The following EDNRB variants were observed in gnomAD, a reference collection of about 807,000 sequenced individuals.
The protein encoded by EDNRB is Hirschsprung disease 2.
In EDNRB, 18 loss-of-function variants were observed where a neutral mutation model predicts 46.4. The ratio of observed to expected loss-of-function variants is 0.39; its 90% CI spans 0.27 to 0.57. The LOEUF is 0.57. Ranked by LOEUF, EDNRB falls within the 20% of genes least tolerant of loss-of-function variation. The pLI is 0.61. For missense variants in EDNRB, 434 were observed against 537.5 expected, an observed-to-expected ratio of 0.81 and a Z score of 1.90; for synonymous variants, 213 against 204.9, an observed-to-expected ratio of 1.04 and a Z score of -0.34.
At chr13:77,967,384 CTTCT>C (rs1427314393) in intron 1 of EDNRB, among the ~76,000 whole-genome samples, 2 of 152,130 alleles carry the variant, frequency 1.3e-5, no homozygotes, top group East Asian at 3.9e-4. Context: ...CACCATCATC[CTTCT>C]TTCTTTAAAC....
upstream of EDNRB, chr13:77,919,446 C>A (rs770338430): frequency 6.3e-5 from 101 of 1,612,632 alleles, no homozygotes; most frequent in South Asian, 1.1e-3. Context: ...AGACCACCTT[C>A]CCGGGAGGCG....
chr13:77,910,686 A>G (rs974199533), intron 1 of EDNRB, among the ~76,000 whole-genome samples: 14 of 152,012 alleles, frequency 9.2e-5, no homozygotes, highest in African/African-American at 3.4e-4. Flanking sequence ...GGTCAGAAAT[A>G]ATGTTAGCTT....
intron 1 of EDNRB, among the ~76,000 whole-genome samples, chr13:77,910,124 G>T (rs771792753): frequency 2.6e-5 from 4 of 151,976 alleles, no homozygotes; most frequent in Admixed American, 2.6e-4. Flanking sequence ...GTTAAGTTTC[G>T]TGGAAGTAGA....
intron 1 of EDNRB, among the ~76,000 whole-genome samples, chr13:77,906,685 C>T (rs1301930243): frequency 2.6e-5 from 4 of 152,020 alleles, no homozygotes; most frequent in African/African-American, 7.2e-5. Context: ...TTTAGACAAA[C>T]GTTTGGACAA....
At chr13:77,919,297 A>G, upstream of EDNRB, 2 of 1,301,552 alleles carry the variant, frequency 1.5e-6, no homozygotes, top group Non-Finnish European at 2.1e-6. Context: ...TATAGGCTTA[A>G]TTTTTATTTT....
At chr13:77,909,220 A>G (rs1879447735) in intron 1 of EDNRB, among the ~76,000 whole-genome samples, 1 of 152,076 alleles carries the variant, frequency 6.6e-6, no homozygotes, top group Non-Finnish European at 1.5e-5. Context: ...CTTGAGAAAG[A>G]AACAAGGCAA....
intron 6 of EDNRB, 26 bp from the exon 7 acceptor site, chr13:77,898,360 T>C (rs1216398910): frequency 5.0e-6 from 8 of 1,610,714 alleles, no homozygotes; most frequent in South Asian, 3.3e-5. Flanking sequence ...TAACTCATTA[T>C]ATGTTAACAT....
chr13:77,897,719 T>C lies in EDNRB; in HGVS notation c.*481A>G. ...GCATCTAATTACAATCTGATAATAG[T>C]GTGATAATATTAATTGAAAAGTTGT... is the stretch of plus-strand genomic sequence containing the variant. On this transcript the variant is annotated 3_prime_UTR_variant, in exon 7 of 7. Coordinates refer to ENST00000646607, the MANE Select transcript of EDNRB (RefSeq NM_001122659.3). 1 of 986,432 alleles carries C rather than the reference T, an allele frequency of 1.0e-6. No homozygotes were observed. Among genetic ancestry groups the C allele is most frequent in the Non-Finnish European group, 1.2e-6 (1 of 829,306 alleles). 61.1% of individuals were successfully genotyped at this position (986,432 alleles called of 1,614,324 possible). A position where few individuals can be genotyped will look rare whatever the true frequency, so the allele number is the denominator to read the frequency against.
At chr13:77,938,165 G>T (rs530728919) in intron 1 of EDNRB, among the ~76,000 whole-genome samples, 1 of 152,178 alleles carries the variant, frequency 6.6e-6, no homozygotes, top group East Asian at 1.9e-4. Context: ...AGGGTGGAAG[G>T]TTGCCCATAG....
chr13:77,952,894 G>C (rs1168091474), intron 1 of EDNRB, among the ~76,000 whole-genome samples: 20 of 152,114 alleles, frequency 1.3e-4, no homozygotes, highest in Non-Finnish European at 2.1e-4. Flanking sequence ...GTTAACACAA[G>C]CAGGGCTTTA....
chr13:77,940,701 G>A (rs1326882166), intron 1 of EDNRB, among the ~76,000 whole-genome samples: 23 of 768 alleles, frequency 0.03, no homozygotes, highest in East Asian at 0.12. Flanking sequence ...GATGAATTGG[G>A]TGTGTGTGTG....
chr13:77,905,777 G>A (rs1011406022), intron 1 of EDNRB, among the ~76,000 whole-genome samples: 3 of 151,946 alleles, frequency 2.0e-5, no homozygotes, highest in South Asian at 2.1e-4. Flanking sequence ...ATGTGCAAAC[G>A]CCCTGAGGTC....
chr13:77,921,803 C>T (rs1880093964), upstream of EDNRB, among the ~76,000 whole-genome samples: 1 of 152,174 alleles, frequency 6.6e-6, no homozygotes, highest in Non-Finnish European at 1.5e-5. Flanking sequence ...ATTAAAGTTA[C>T]TTCTTGCTCC....
chr13:77,973,536 T>A (rs1359768156), intron 1 of EDNRB, among the ~76,000 whole-genome samples: 1 of 145,564 alleles, frequency 6.9e-6, no homozygotes, highest in Admixed American at 6.7e-5. Context: ...ACACACAGAT[T>A]TTTTTTTTCA....
intron 1 of EDNRB, among the ~76,000 whole-genome samples, chr13:77,935,723 GA>G (rs1180264546): frequency 6.6e-6 from 1 of 152,218 alleles, no homozygotes; most frequent in Non-Finnish European, 1.5e-5. Flanking sequence ...GTAATTTGCT[GA>G]GCCTGTTGGG....
intron 1 of EDNRB, among the ~76,000 whole-genome samples, chr13:77,931,938 A>T (rs9600951): frequency 0.02 from 3,014 of 152,200 alleles, 98 homozygotes; most frequent in African/African-American, 0.069. Flanking sequence ...GTTAGTTTTT[A>T]TACAACTGTT....
At chr13:77,900,015 A>G (rs1878857153) in intron 5 of EDNRB, 48 bp from the exon 6 acceptor site, 1 of 1,491,188 alleles carries the variant, frequency 6.7e-7, no homozygotes, top group Non-Finnish European at 9.3e-7. Context: ...GCTATTCTGA[A>G]CATGTAGTCA....
intron 1 of EDNRB, among the ~76,000 whole-genome samples, chr13:77,953,936 T>C (rs1881161889): frequency 6.6e-6 from 1 of 152,220 alleles, no homozygotes; most frequent in Non-Finnish European, 1.5e-5. Context: ...TAACCTGTAG[T>C]ATTTTTTAAA....
intron 1 of EDNRB, among the ~76,000 whole-genome samples, chr13:77,955,256 T>C (rs747512535): frequency 6.6e-6 from 1 of 152,234 alleles, no homozygotes; most frequent in Non-Finnish European, 1.5e-5. Context: ...ATATACCTGT[T>C]GACATTTGTA....
Sources: gnomAD v4.1 joint callset for allele counts (sites outside exome capture counted in the v4.1 genomes callset) on GRCh38, gnomAD v4.1.1 for gene constraint, MANE v1.5 for transcripts, NCBI Gene and HGNC (gene_info 2026-07-23, HGNC 2026-07-21) for gene names.